Variants in DCDC2 observed in about 807,000 individuals in gnomAD.
The protein encoded by DCDC2 is doublecortin domain containing 2.
In DCDC2, 40 loss-of-function variants were observed where a neutral mutation model predicts 50.2. That is an observed-to-expected ratio of 0.80 (90% CI 0.62 to 1.04). The LOEUF (loss-of-function observed/expected upper bound fraction) is 1.04. DCDC2 is among the 50% of genes least tolerant of loss of function. DCDC2 has a pLI of 0.00. For missense variants in DCDC2, 570 were observed against 581.9 expected, an observed-to-expected ratio of 0.98 and a Z score of 0.21; for synonymous variants, 234 against 210.6, an observed-to-expected ratio of 1.11 and a Z score of -0.96.
intron 2 of DCDC2, among the ~76,000 whole-genome samples, chr6:24,311,117 T>G (rs1759563285): frequency 6.6e-6 from 1 of 152,224 alleles, no homozygotes; most frequent in African/African-American, 2.4e-5. Flanking sequence ...TGGCTTCAGA[T>G]GATGTCCTCG....
chr6:24,268,599 G>A (rs1763176249), intron 7 of DCDC2, among the ~76,000 whole-genome samples: 1 of 152,100 alleles, frequency 6.6e-6, no homozygotes, highest in Admixed American at 6.5e-5. Context: ...ACACCATCCA[G>A]AAGCTCTTGT....
At chr6:24,251,510 G>A (rs115397791) in intron 7 of DCDC2, among the ~76,000 whole-genome samples, 179 of 152,222 alleles carry the variant, frequency 1.2e-3, no homozygotes, top group Non-Finnish European at 2.2e-3. Flanking sequence ...AACTCTGCGG[G>A]AGCCCTTCCA....
At chr6:24,325,158 T>A (rs1271681311) in intron 2 of DCDC2, among the ~76,000 whole-genome samples, 1 of 130,774 alleles carries the variant, frequency 7.6e-6, no homozygotes, top group Non-Finnish European at 1.8e-5. Context: ...TGGTCAAAAC[T>A]AAAACGTTCC....
At chr6:24,185,688 T>TAC (rs35379687) in intron 8 of DCDC2, among the ~76,000 whole-genome samples, 41,769 of 143,992 alleles carry the variant, frequency 0.29, 6,973 homozygotes, top group Non-Finnish European at 0.39. Context: ...TCCATACACA[T>TAC]ACACACACAC....
At chr6:24,229,406 A>C (rs945320538) in intron 7 of DCDC2, among the ~76,000 whole-genome samples, 1 of 152,146 alleles carries the variant, frequency 6.6e-6, no homozygotes, top group African/African-American at 2.4e-5. Flanking sequence ...TTATGATTAC[A>C]TTGGACCCAC....
At chr6:24,228,342 A>AT (rs1472961005) in intron 7 of DCDC2, among the ~76,000 whole-genome samples, 3 of 152,292 alleles carry the variant, frequency 2.0e-5, no homozygotes, top group South Asian at 2.1e-4. Flanking sequence ...TTAATTGGAG[A>AT]TTTTAAGCAG....
intron 2 of DCDC2, among the ~76,000 whole-genome samples, chr6:24,302,309 C>G (rs114664021): frequency 7.9e-6 from 1 of 125,866 alleles, no homozygotes; most frequent in African/African-American, 3.0e-5. Flanking sequence ...AAAAAAAAAA[C>G]AGAAATCATT....
At chr6:24,214,280 CTTAACT>C (rs1761932199) in intron 7 of DCDC2, among the ~76,000 whole-genome samples, 1 of 152,064 alleles carries the variant, frequency 6.6e-6, no homozygotes, top group African/African-American at 2.4e-5. Flanking sequence ...GTTATTTAAC[CTTAACT>C]TTAAATAGGT....
chr6:24,213,255 T>C lies in DCDC2; in HGVS notation c.923-8153A>G, dbSNP rs529993603. ...TCATAATGTCCAGTTCTAAATACTT[T>C]ATAAAAATCTTAGTTATCTATTAAC... On this transcript the variant is annotated intron_variant, in intron 7 of 9. Transcript: ENST00000378454. 2.2e-4 allele frequency among the ~76,000 whole-genome samples: 34 copies of C among 152,316 alleles called. No individual in the cohort carries two copies. The South Asian group carries it at 6.8e-3, about 31-fold the overall frequency.
chr6:24,217,318 T>A (rs1213682359), intron 7 of DCDC2, among the ~76,000 whole-genome samples: 1 of 152,212 alleles, frequency 6.6e-6, no homozygotes, highest in African/African-American at 2.4e-5. Flanking sequence ...ATGGACTGGA[T>A]ATGTGTTTTC....
At chr6:24,309,254 G>C (rs1759529178) in intron 2 of DCDC2, among the ~76,000 whole-genome samples, 1 of 151,762 alleles carries the variant, frequency 6.6e-6, no homozygotes, top group Non-Finnish European at 1.5e-5. Flanking sequence ...GAACTCAGGA[G>C]GCAGAGGTTG....
intron 2 of DCDC2, among the ~76,000 whole-genome samples, chr6:24,314,260 G>A (rs1364043154): frequency 6.6e-6 from 1 of 152,136 alleles, no homozygotes; most frequent in Non-Finnish European, 1.5e-5. Flanking sequence ...ATCACTTGAA[G>A]CTCAGAGTTC....
intron 5 of DCDC2, among the ~76,000 whole-genome samples, chr6:24,289,803 T>C (rs921886704): frequency 1.3e-5 from 2 of 152,106 alleles, no homozygotes; most frequent in African/African-American, 4.8e-5. Flanking sequence ...TGTGAATTAA[T>C]TGCAAACACA....
chr6:24,333,629 T>C (rs1186328034), intron 2 of DCDC2, among the ~76,000 whole-genome samples: 3 of 152,224 alleles, frequency 2.0e-5, no homozygotes, highest in African/African-American at 7.2e-5. Flanking sequence ...TGATGTAAAG[T>C]CTTGCAGGCT....
chr6:24,378,613 T>A, the DCDC2 span, among the ~76,000 whole-genome samples: 9 of 152,146 alleles, frequency 5.9e-5, no homozygotes, highest in African/African-American at 2.2e-4. Flanking sequence ...ACTTGCAGAA[T>A]AAATCACTGT....
In DCDC2 at chr6:24,172,931, A is replaced by G. The variant is rs932147841; in HGVS notation, c.*1799T>C. ...AACCCAGGAGGCAGAGGTTGCAGTA[A>G]GCCAAGATCATGCCACTGCACCCAG... On this transcript the variant is annotated 3_prime_UTR_variant, in exon 10 of 10. Transcript: ENST00000378454. The G allele has an allele frequency of 2.0e-5, 3 of 151,828 alleles. No individual in the cohort carries two copies. Among genetic ancestry groups the G allele is most frequent in the Admixed American group, 6.6e-5 (1 of 15,232 alleles). 9.4% of individuals were successfully genotyped at this position (151,828 alleles called of 1,614,324 possible).
chr6:24,222,126 C>G (rs1228571601), intron 7 of DCDC2, among the ~76,000 whole-genome samples: 1 of 151,984 alleles, frequency 6.6e-6, no homozygotes, highest in African/African-American at 2.4e-5. Context: ...AGAGAATATT[C>G]TTTACAATAA....
chr6:24,259,997 G>A (rs549400887), intron 7 of DCDC2, among the ~76,000 whole-genome samples: 3 of 152,204 alleles, frequency 2.0e-5, no homozygotes, highest in African/African-American at 7.2e-5. Context: ...GAGGCTAACT[G>A]GTGTTAAAGA....
At position 24,200,252 on chromosome 6, in the gene DCDC2, G is replaced by T. The variant is rs1581582266; in HGVS notation, c.1023+4750C>A. Among the ~76,000 whole-genome samples, 3 of 152,182 alleles carry T rather than the reference G, an allele frequency of 2.0e-5. 1 individual carries two copies. The highest frequency in any genetic ancestry group is 6.5e-5 in the Admixed American group (1 of 15,280). Reference sequence around the variant, plus strand: ...AATGAAGGAAAAAATGTTAAGGGCAGCCAGAGAGAAAGGTGGGGTGATCCA... The same window carrying T: ...AATGAAGGAAAAAATGTTAAGGGCATCCAGAGAGAAAGGTGGGGTGATCCA... On this transcript the variant is annotated intron_variant, in intron 8 of 9. Coordinates refer to ENST00000378454, the MANE Select transcript of DCDC2 (RefSeq NM_016356.5).
Sources: allele counts gnomAD v4.1 joint callset (sites outside exome capture counted in the v4.1 genomes callset), GRCh38; gene constraint gnomAD v4.1.1; transcripts MANE v1.5; gene names NCBI Gene and HGNC (gene_info 2026-07-23, HGNC 2026-07-21).